FER1L6: variants seen among roughly 807,000 people sequenced by gnomAD.
The protein encoded by FER1L6 is fer-1-like protein 6.
In FER1L6, 177 loss-of-function variants were observed where a neutral mutation model predicts 219.2. The observed-to-expected ratio is 0.81, with a 90% CI of 0.71 to 0.91. FER1L6 has a LOEUF of 0.91. FER1L6 is among the 40% of genes least tolerant of loss of function. The pLI is 0.00. For missense variants in FER1L6, 2,153 were observed against 2,259.9 expected (o/e 0.95, Z 0.96); for synonymous variants, 768 against 824.3 (o/e 0.93, Z 1.17).
chr8:124,077,203 T>A (rs373082370), intron 32 of FER1L6, among the ~76,000 whole-genome samples: 1 of 152,238 alleles, frequency 6.6e-6, no homozygotes, highest in Non-Finnish European at 1.5e-5. Flanking sequence ...CTGACTCTCA[T>A]ATTCCTTTAG....
At chr8:123,865,439 T>C (rs932905892) in intron 1 of FER1L6, among the ~76,000 whole-genome samples, 1 of 150,940 alleles carries the variant, frequency 6.6e-6, no homozygotes, top group Admixed American at 6.6e-5. Flanking sequence ...TTTTTGTTTG[T>C]CTGTGCCCTG....
chr8:124,045,956 AACTC>A (rs2130760690), intron 21 of FER1L6, 55 bp downstream of exon 21: 5 of 1,596,674 alleles, frequency 3.1e-6, no homozygotes, highest in East Asian at 2.2e-5. Flanking sequence ...TGCCACGTTG[AACTC>A]ACTCACTTTA....
At chr8:123,902,571 T>C (rs1305812740) in intron 1 of FER1L6, among the ~76,000 whole-genome samples, 1 of 152,224 alleles carries the variant, frequency 6.6e-6, no homozygotes, top group Admixed American at 6.5e-5. Context: ...TCCCTCTTTG[T>C]CTCTTTTAAC....
At chr8:123,926,011 G>A (rs1445128332) in intron 1 of FER1L6, 1 of 152,166 alleles carries the variant, frequency 6.6e-6, no homozygotes, top group Admixed American at 6.5e-5. Context: ...CTTCTTATTG[G>A]GAGATGACAG....
intron 14 of FER1L6, among the ~76,000 whole-genome samples, chr8:124,013,038 T>TA (rs34559856): frequency 0.5 from 76,323 of 152,032 alleles, 19,657 homozygotes; most frequent in Non-Finnish European, 0.57. Context: ...TATCCCTATG[T>TA]AAAAAATTGA....
At position 124,039,974 on chromosome 8, in the gene FER1L6, GTCACGT is replaced by G. The variant is rs747296787; in HGVS notation, c.2560_2565del (p.Thr854_Phe855del). On this transcript the variant is annotated inframe_deletion, in exon 20 of 41. Coordinates refer to ENST00000522917, the MANE Select transcript of FER1L6 (RefSeq NM_001039112.2). ...TGGACTTTCAGACCCTTTTGCCAAAGTCACGTTCCTTTCTCACTGCCAGACAACAAA... is the reference window on the plus strand; with the variant it reads ...TGGACTTTCAGACCCTTTTGCCAAAGTCCTTTCTCACTGCCAGACAACAAA... 19 of 1,614,000 alleles carry G rather than the reference GTCACGT, an allele frequency of 1.2e-5. No individual in the cohort carries two copies. The South Asian group carries it at 2.1e-4, about 18-fold the overall frequency.
At chr8:124,004,086 GAC>G (rs1166235988) in intron 13 of FER1L6, 5 of 113,788 alleles carry the variant, frequency 4.4e-5, no homozygotes, top group Non-Finnish European at 3.3e-5. Context: ...TCTTATTTTT[GAC>G]ACAGTCATTT....
In FER1L6 at chr8:124,070,522, CT is replaced by C. The variant is rs768150913; in HGVS notation, c.3894del (p.Phe1298LeufsTer21). On this transcript the variant is annotated frameshift_variant, in exon 30 of 41. Transcript: ENST00000522917. LOFTEE classifies it high-confidence loss of function. ...EFNNFEDWVK[T>X]FELFRGKSTE... is the part of the protein sequence containing the mutation. ...AACAATTTTGAAGACTGGGTGAAAA[CT>C]TTTGAGCTCTTCAGAGGCAAGTCTA... is the stretch of plus-strand genomic sequence containing the variant. 6.2e-7 allele frequency: 1 copy of C among 1,613,544 alleles called. No individual in the cohort carries two copies. The highest frequency in any genetic ancestry group is 1.1e-5 in the South Asian group (1 of 91,052).
At chr8:124,049,512 G>T (rs1291593743) in intron 21 of FER1L6, 95 bp from the exon 22 acceptor site, 2 of 1,376,612 alleles carry the variant, frequency 1.5e-6, no homozygotes, top group Non-Finnish European at 2.0e-6. Flanking sequence ...TGATGGTTTT[G>T]TGGAGGTTAT....
At chr8:124,065,732 G>A (rs959877308) in intron 26 of FER1L6, among the ~76,000 whole-genome samples, 2 of 152,090 alleles carry the variant, frequency 1.3e-5, no homozygotes, top group African/African-American at 4.8e-5. Context: ...AGAGTGCCTG[G>A]GTCATAGTAC....
Position 124,043,984 on chromosome 8 carries a change from A to G in FER1L6, c.2590-1783A>G, listed in dbSNP as rs1339326947. Among the ~76,000 whole-genome samples, 4 of 152,256 alleles carry G rather than the reference A, an allele frequency of 2.6e-5. No individual in the cohort carries two copies. The East Asian group carries it at 7.7e-4, about 29-fold the overall frequency. Reference sequence around the variant, plus strand: ...TAGTGTCTAATACTGTGCCTAGCACATTGTAGGTCCTGAATCCTATATTTA... The same window carrying G: ...TAGTGTCTAATACTGTGCCTAGCACGTTGTAGGTCCTGAATCCTATATTTA... On this transcript the variant is annotated intron_variant, in intron 20 of 40. Coordinates refer to ENST00000522917, the MANE Select transcript of FER1L6 (RefSeq NM_001039112.2).
At chr8:124,022,708 G>C (rs1346031340) in intron 17 of FER1L6, among the ~76,000 whole-genome samples, 1 of 152,050 alleles carries the variant, frequency 6.6e-6, no homozygotes, top group East Asian at 1.9e-4. Flanking sequence ...TGTTTCATTT[G>C]AATATTCTGG....
Position 123,892,908 on chromosome 8 carries a change from C to T in FER1L6, c.-8+40723C>T, listed in dbSNP as rs185961916. Among the ~76,000 whole-genome samples, 127 of 152,206 alleles carry T rather than the reference C, an allele frequency of 8.3e-4. 2 individuals are homozygous for T. Among genetic ancestry groups the T allele is most frequent in the African/African-American group, 2.9e-3 (122 of 41,522 alleles). On this transcript the variant is annotated intron_variant, in intron 1 of 40. Coordinates refer to ENST00000522917, the MANE Select transcript of FER1L6 (RefSeq NM_001039112.2). ...GTTATGGTTAGAATTATGCAGGAAG[C>T]ACTGTCAGTTCTGAGGTAGTGTTTA...
At chr8:123,854,186 G>A (rs898507936) in intron 1 of FER1L6, among the ~76,000 whole-genome samples, 1 of 152,106 alleles carries the variant, frequency 6.6e-6, no homozygotes, top group Non-Finnish European at 1.5e-5. Flanking sequence ...AATGATCTAG[G>A]CTTTTCTGAG....
intron 1 of FER1L6, among the ~76,000 whole-genome samples, chr8:123,856,294 A>G (rs112172023): frequency 0.31 from 19,521 of 63,942 alleles, 5,059 homozygotes; most frequent in Middle Eastern, 0.45. Flanking sequence ...GTGTGTGTGT[A>G]TATATATATA....
chr8:123,992,094 G>T (rs1816887060), intron 12 of FER1L6, among the ~76,000 whole-genome samples: 1 of 151,954 alleles, frequency 6.6e-6, no homozygotes, highest in Non-Finnish European at 1.5e-5. Context: ...TGTTGGATTT[G>T]GTTTGCTAGT....
At chr8:123,982,212 C>T (rs957222735) in intron 11 of FER1L6, among the ~76,000 whole-genome samples, 1 of 152,130 alleles carries the variant, frequency 6.6e-6, no homozygotes, top group Non-Finnish European at 1.5e-5. Context: ...TTAGTAGCTA[C>T]CTAAGCTGAT....
At chr8:123,860,144 C>A (rs1469167773) in intron 1 of FER1L6, among the ~76,000 whole-genome samples, 1 of 80,922 alleles carries the variant, frequency 1.2e-5, no homozygotes, top group Non-Finnish European at 2.2e-5. Context: ...CCCCTCCCCA[C>A]CACAGTCCCC....
At chr8:123,873,604 C>G (rs1231273148) in intron 1 of FER1L6, among the ~76,000 whole-genome samples, 1 of 152,150 alleles carries the variant, frequency 6.6e-6, no homozygotes, top group African/African-American at 2.4e-5. Flanking sequence ...CATCTGCTAG[C>G]CTTCTCTGTT....
Sources: gnomAD v4.1 joint callset for allele counts (sites outside exome capture counted in the v4.1 genomes callset) on GRCh38, gnomAD v4.1.1 for gene constraint, MANE v1.5 for transcripts, NCBI Gene and HGNC (gene_info 2026-07-23, HGNC 2026-07-21) for gene names.